The following NEGR1 variants were observed in gnomAD, a reference collection of about 807,000 sequenced individuals.
NEGR1 encodes IgLON family member 4.
Under a neutral mutation model 40.9 loss-of-function variants are expected in NEGR1, and 10 were observed. The observed-to-expected ratio is 0.24, with a 90% CI of 0.15 to 0.42. NEGR1 has a LOEUF of 0.42. NEGR1 is among the 10% of genes least tolerant of loss of function. The pLI, the probability that NEGR1 is intolerant of heterozygous loss-of-function variation, is 1.00. For synonymous variants in NEGR1, 185 were observed against 166.8 expected (o/e 1.11, Z -0.84); for missense variants, 352 against 438.9 (o/e 0.80, Z 1.77).
At chr1:72,105,544 GTAAA>G (rs57077521) in intron 1 of NEGR1, among the ~76,000 whole-genome samples, 5 of 151,134 alleles carry the variant, frequency 3.3e-5, no homozygotes, top group Admixed American at 6.6e-5. Flanking sequence ...TCTCTCCACA[GTAAA>G]TAAATAAATA....
intron 1 of NEGR1, among the ~76,000 whole-genome samples, chr1:72,044,588 T>C (rs2100463186): frequency 6.6e-6 from 1 of 151,840 alleles, no homozygotes; most frequent in Middle Eastern, 3.4e-3. Context: ...GACTGAATCA[T>C]TAAAAGTATC....
intron 1 of NEGR1, among the ~76,000 whole-genome samples, chr1:72,236,562 C>G (rs1170113429): frequency 6.6e-6 from 1 of 151,988 alleles, no homozygotes; most frequent in Non-Finnish European, 1.5e-5. Context: ...TCCTTTGTGA[C>G]TCAATCATGT....
intron 4 of NEGR1, among the ~76,000 whole-genome samples, chr1:71,686,761 A>G (rs1281184987): frequency 6.6e-6 from 1 of 152,180 alleles, no homozygotes; most frequent in Non-Finnish European, 1.5e-5. Flanking sequence ...GAATTACACA[A>G]CTTGACTCCT....
At chr1:72,089,410 C>T (rs890127023) in intron 1 of NEGR1, among the ~76,000 whole-genome samples, 3 of 152,066 alleles carry the variant, frequency 2.0e-5, no homozygotes, top group Non-Finnish European at 4.4e-5. Flanking sequence ...TAATTTTTAG[C>T]TAATAATTTT....
At chr1:72,114,225 C>A (rs939967021) in intron 1 of NEGR1, among the ~76,000 whole-genome samples, 1 of 151,418 alleles carries the variant, frequency 6.6e-6, no homozygotes, top group African/African-American at 2.4e-5. Context: ...AGCATATTAC[C>A]CTCCATAATA....
In NEGR1 at chr1:71,565,259, G is replaced by A. The variant is rs575319318; in HGVS notation, c.940+27558C>T. On this transcript the variant is annotated intron_variant, in intron 6 of 6. Coordinates refer to ENST00000357731, the MANE Select transcript of NEGR1 (RefSeq NM_173808.3). ...TACTTGACTTAATCCTTGGCTTGGG[G>A]TTACTAGGGAATTAAGACATATTCA... 1.0e-3 allele frequency among the ~76,000 whole-genome samples: 155 copies of A among 152,218 alleles called. 1 individual carries two copies. Among genetic ancestry groups the A allele is most frequent in the African/African-American group, 3.6e-3 (150 of 41,546 alleles).
intron 6 of NEGR1, among the ~76,000 whole-genome samples, chr1:71,570,644 C>CTTATTATTATTATTA (rs150984543): frequency 3.5e-4 from 52 of 148,190 alleles, no homozygotes; most frequent in African/African-American, 1.1e-3. Flanking sequence ...ATACTGGGTC[C>CTTATTATTATTATTA]TTATTATTAT....
intron 4 of NEGR1, among the ~76,000 whole-genome samples, chr1:71,654,033 G>C (rs987151636): frequency 2.0e-5 from 3 of 152,028 alleles, no homozygotes; most frequent in African/African-American, 7.2e-5. Flanking sequence ...AGCTATGAAG[G>C]TATAAAAAGA....
intron 1 of NEGR1, among the ~76,000 whole-genome samples, chr1:72,191,012 G>C (rs1652801207): frequency 6.6e-6 from 1 of 151,144 alleles, no homozygotes. Context: ...GTAAACAGTG[G>C]CTTAATTTTA....
chr1:71,957,526 T>C (rs973894387), intron 1 of NEGR1, among the ~76,000 whole-genome samples: 2 of 152,058 alleles, frequency 1.3e-5, no homozygotes, highest in Non-Finnish European at 2.9e-5. Context: ...TTTTTGAAAA[T>C]GTATAGGAGG....
At chr1:71,677,748 T>C (rs1652692591) in intron 4 of NEGR1, among the ~76,000 whole-genome samples, 1 of 152,184 alleles carries the variant, frequency 6.6e-6, no homozygotes, top group Non-Finnish European at 1.5e-5. Flanking sequence ...TTAAACATAA[T>C]TTACAAGTGA....
In NEGR1 at chr1:72,136,634, C is replaced by T. The variant is rs1313735319; in HGVS notation, c.176+145685G>A. 1.3e-4 allele frequency among the ~76,000 whole-genome samples: 14 copies of T among 104,908 alleles called. 1 individual carries two copies. The South Asian group carries it at 5.0e-3, about 37-fold the overall frequency. The allele number at this position is 104,908 out of a possible 152,430, so 68.8% of individuals were successfully genotyped here. On this transcript the variant is annotated intron_variant, in intron 1 of 6. Transcript: ENST00000357731. ...ACTGAAACAATAAAAAAAAAAATTA[C>T]TCAATTTGTCCAAAAAAAAAGGCAA...
intron 4 of NEGR1, among the ~76,000 whole-genome samples, chr1:71,619,187 A>T (rs1270559785): frequency 6.6e-6 from 1 of 152,130 alleles, no homozygotes; most frequent in Non-Finnish European, 1.5e-5. Flanking sequence ...ATATTTGGCC[A>T]AGTTGTACAA....
chr1:72,282,002 C>T (rs1656272445), intron 1 of NEGR1, among the ~76,000 whole-genome samples: 1 of 152,144 alleles, frequency 6.6e-6, no homozygotes, highest in South Asian at 2.1e-4. Context: ...TACCCCATGA[C>T]AGTAAAACAG....
intron 1 of NEGR1, among the ~76,000 whole-genome samples, chr1:72,267,740 C>A (rs1655696440): frequency 6.6e-6 from 1 of 151,118 alleles, no homozygotes; most frequent in Non-Finnish European, 1.5e-5. Flanking sequence ...AATAAAGCAT[C>A]AGATGTCCCT....
intron 1 of NEGR1, among the ~76,000 whole-genome samples, chr1:71,953,010 AT>A (rs1646085970): frequency 6.6e-6 from 1 of 151,858 alleles, no homozygotes; most frequent in Non-Finnish European, 1.5e-5. Context: ...CTAACAGAAA[AT>A]GCACCTAGTT....
At chr1:72,041,595 G>A (rs1646954684) in intron 1 of NEGR1, among the ~76,000 whole-genome samples, 1 of 150,716 alleles carries the variant, frequency 6.6e-6, no homozygotes. Flanking sequence ...ACTTTCAAGA[G>A]AACAGTCAAA....
At chr1:71,559,835 TA>T (rs35685892) in intron 6 of NEGR1, among the ~76,000 whole-genome samples, 3,484 of 148,328 alleles carry the variant, frequency 0.023, 115 homozygotes, top group African/African-American at 0.076. Context: ...ATCATTCTGG[TA>T]AAAAAAAAAA....
intron 1 of NEGR1, among the ~76,000 whole-genome samples, chr1:72,170,970 C>T (rs952419448): frequency 2.0e-5 from 3 of 152,142 alleles, no homozygotes; most frequent in African/African-American, 7.2e-5. Context: ...GCCCTCTTTT[C>T]CCCACTGTTA....
Sources: allele counts gnomAD v4.1 joint callset (sites outside exome capture counted in the v4.1 genomes callset), GRCh38; gene constraint gnomAD v4.1.1; transcripts MANE v1.5; gene names NCBI Gene and HGNC (gene_info 2026-07-23, HGNC 2026-07-21).